The following CDC42BPA variants were observed in gnomAD, a reference collection of about 807,000 sequenced individuals.
CDC42BPA encodes the protein serine/threonine-protein kinase MRCK alpha.
In CDC42BPA, 80 loss-of-function variants were observed where a neutral mutation model predicts 223.5. That is an observed-to-expected ratio of 0.36 (90% CI 0.30 to 0.43). The LOEUF (loss-of-function observed/expected upper bound fraction) is 0.43. Ranked by LOEUF, CDC42BPA falls within the 20% of genes least tolerant of loss-of-function variation. The pLI, the probability that CDC42BPA is intolerant of heterozygous loss-of-function variation, is 1.00. For missense variants in CDC42BPA, 1,743 were observed against 2,099.9 expected, an observed-to-expected ratio of 0.83 and a Z score of 3.32; for synonymous variants, 694 against 718.6, an observed-to-expected ratio of 0.97 and a Z score of 0.55.
chr1:227,172,731 A>G (rs543342680), intron 5 of CDC42BPA, among the ~76,000 whole-genome samples: 1 of 152,262 alleles, frequency 6.6e-6, no homozygotes, highest in African/African-American at 2.4e-5. Context: ...ATTTCCTGTG[A>G]TTCCAAACTT....
intron 2 of CDC42BPA, among the ~76,000 whole-genome samples, chr1:227,251,550 A>AT (rs1682014434): frequency 6.6e-6 from 1 of 152,168 alleles, no homozygotes; most frequent in East Asian, 1.9e-4. Context: ...AAGATATTTA[A>AT]TGAAAATACT....
At chr1:227,257,478 G>C (rs1014566793) in intron 1 of CDC42BPA, among the ~76,000 whole-genome samples, 1 of 88,888 alleles carries the variant, frequency 1.1e-5, no homozygotes, top group Non-Finnish European at 2.4e-5. Flanking sequence ...GGAAGATGCT[G>C]GGCACAGTGG....
chr1:227,235,886 C>T (rs61700597), intron 2 of CDC42BPA, among the ~76,000 whole-genome samples: 25,746 of 152,000 alleles, frequency 0.17, 2,216 homozygotes, highest in Middle Eastern at 0.2. Context: ...TTTAAATTCC[C>T]ATATATAATC....
intron 1 of CDC42BPA, among the ~76,000 whole-genome samples, chr1:227,294,228 C>T (rs1032674700): frequency 6.6e-6 from 1 of 151,326 alleles, no homozygotes; most frequent in Non-Finnish European, 1.5e-5. Context: ...GCTGAGATCG[C>T]GCCACTGCAC....
intron 2 of CDC42BPA, among the ~76,000 whole-genome samples, chr1:227,238,556 A>G (rs1174633265): frequency 6.6e-6 from 1 of 152,220 alleles, no homozygotes; most frequent in Non-Finnish European, 1.5e-5. Context: ...ATGAACTGTG[A>G]AATCTAAAAT....
chr1:227,213,316 A>G (rs1674261022), intron 2 of CDC42BPA, 97 bp from the exon 3 acceptor site: 1 of 600,864 alleles, frequency 1.7e-6, no homozygotes, highest in Non-Finnish European at 2.9e-6. Flanking sequence ...ATAAATACCA[A>G]TTATCAATTA....
intron 12 of CDC42BPA, among the ~76,000 whole-genome samples, chr1:227,119,530 T>G (rs1688296919): frequency 6.6e-6 from 1 of 152,066 alleles, no homozygotes; most frequent in African/African-American, 2.4e-5. Flanking sequence ...TCTTCATGTT[T>G]CTTTTTCAAT....
At chr1:227,313,024 T>C (rs894242277) in intron 1 of CDC42BPA, among the ~76,000 whole-genome samples, 1 of 152,130 alleles carries the variant, frequency 6.6e-6, no homozygotes, top group Admixed American at 6.5e-5. Flanking sequence ...CAGTCTTAGG[T>C]AGTTCTTTAT....
chr1:227,307,177 T>A (rs1692704682), intron 1 of CDC42BPA, among the ~76,000 whole-genome samples: 2 of 152,190 alleles, frequency 1.3e-5, no homozygotes, highest in South Asian at 4.1e-4. Flanking sequence ...CTCGAAGTCA[T>A]GTATCAAGTC....
chr1:227,014,210 T>C (rs1023544707), intron 34 of CDC42BPA, among the ~76,000 whole-genome samples: 3 of 152,034 alleles, frequency 2.0e-5, no homozygotes, highest in African/African-American at 7.2e-5. Context: ...TTAAACATGA[T>C]AGAAAAGTAT....
intron 23 of CDC42BPA, 79 bp downstream of exon 23, chr1:227,047,848 A>C: frequency 1.4e-6 from 1 of 734,812 alleles, no homozygotes; most frequent in Non-Finnish European, 2.2e-6. Flanking sequence ...AATAATATCA[A>C]AAAAATCACA....
intron 5 of CDC42BPA, among the ~76,000 whole-genome samples, chr1:227,167,930 T>C (rs553686626): frequency 6.8e-5 from 3 of 44,042 alleles, no homozygotes; most frequent in East Asian, 6.5e-4. Flanking sequence ...AATTCTTCTG[T>C]TCTTTTTTTT....
chr1:226,998,937 A>G (rs1662205664), intron 35 of CDC42BPA, among the ~76,000 whole-genome samples: 1 of 152,206 alleles, frequency 6.6e-6, no homozygotes, highest in African/African-American at 2.4e-5. Context: ...AGGAACTTAA[A>G]CAAATTTACA....
chr1:227,209,329 C>A (rs1343613120), intron 3 of CDC42BPA, among the ~76,000 whole-genome samples: 1 of 147,400 alleles, frequency 6.8e-6, no homozygotes, highest in African/African-American at 2.5e-5. Flanking sequence ...TCCTCTTTTC[C>A]TAATTGAATA....
At chr1:227,163,692 G>T (rs1664513067) in intron 5 of CDC42BPA, among the ~76,000 whole-genome samples, 1 of 148,926 alleles carries the variant, frequency 6.7e-6, no homozygotes, top group Non-Finnish European at 1.5e-5. Flanking sequence ...CCTGCATGTG[G>T]GCTTGTTTTT....
At position 227,035,534 on chromosome 1, in the gene CDC42BPA, T is replaced by G. The variant is rs532917605; in HGVS notation, c.3273A>C (p.Thr1091=). 7 of 1,612,008 alleles carry G rather than the reference T, an allele frequency of 4.3e-6. No individual in the cohort carries two copies. The East Asian group carries it at 1.6e-4, about 36-fold the overall frequency. ...PTTCPVPPEQ[T]KGPLGIDPQK... ...GAGGATCTATACCCAGGGGACCTTT[T>G]GTCTGTTCAGGAGGAACTGGACAAG... Residue 1091 remains threonine (T), a synonymous_variant, in exon 25 of 37, where the codon ACA becomes ACC. Coordinates refer to ENST00000366766, the MANE Select transcript of CDC42BPA (RefSeq NM_001394014.1).
At chr1:227,251,878 A>AT (rs532313740) in intron 2 of CDC42BPA, among the ~76,000 whole-genome samples, 69 of 152,278 alleles carry the variant, frequency 4.5e-4, no homozygotes, top group South Asian at 2.3e-3. Context: ...AAATTACATT[A>AT]TAACTCAATA....
chr1:227,003,216 A>C (rs1247936717), intron 35 of CDC42BPA, among the ~76,000 whole-genome samples: 1 of 152,226 alleles, frequency 6.6e-6, no homozygotes, highest in East Asian at 1.9e-4. Context: ...GGAACAAGTA[A>C]GTTTTCTGAC....
chr1:227,110,936 C>A (rs896613513), intron 14 of CDC42BPA, among the ~76,000 whole-genome samples: 3 of 152,214 alleles, frequency 2.0e-5, no homozygotes. Context: ...CCACATGATT[C>A]ATTCATTAAC....
Sources: gnomAD v4.1 joint callset for allele counts (sites outside exome capture counted in the v4.1 genomes callset) on GRCh38, gnomAD v4.1.1 for gene constraint, MANE v1.5 for transcripts, NCBI Gene and HGNC (gene_info 2026-07-23, HGNC 2026-07-21) for gene names.